Variants in BBS9 observed in about 807,000 individuals in gnomAD.
The protein encoded by BBS9 is Bardet-Biedl syndrome 9.
A neutral mutation model predicts 117.7 loss-of-function variants in BBS9; 89 were observed. The observed-to-expected ratio is 0.76, with a 90% confidence interval of 0.64 to 0.90. BBS9 has a LOEUF of 0.90. Ranked by LOEUF, BBS9 falls within the 40% of genes least tolerant of loss-of-function variation. The pLI is 0.00. For missense variants in BBS9, 982 were observed against 1,042.2 expected (o/e 0.94, Z 0.80); for synonymous variants, 379 against 370.9 (o/e 1.02, Z -0.25).
intron 19 of BBS9, among the ~76,000 whole-genome samples, chr7:33,395,458 C>T (rs951460673): frequency 1.3e-4 from 20 of 152,138 alleles, no homozygotes; most frequent in Admixed American, 8.5e-4. Flanking sequence ...GATGCTATTA[C>T]ATGTGCTGAG....
chr7:33,552,200 T>G (rs1854541088), intron 21 of BBS9, among the ~76,000 whole-genome samples: 1 of 152,238 alleles, frequency 6.6e-6, no homozygotes, highest in Admixed American at 6.5e-5. Context: ...TCTGTTGACA[T>G]CAGCTTACTA....
intron 21 of BBS9, among the ~76,000 whole-genome samples, chr7:33,592,360 C>G (rs1862068028): frequency 6.6e-6 from 1 of 152,064 alleles, no homozygotes; most frequent in Non-Finnish European, 1.5e-5. Flanking sequence ...AATGAAGGCC[C>G]AGACTTTGAC....
At chr7:33,190,276 C>T (rs1443544012) in intron 5 of BBS9, among the ~76,000 whole-genome samples, 1 of 152,084 alleles carries the variant, frequency 6.6e-6, no homozygotes, top group Non-Finnish European at 1.5e-5. Flanking sequence ...CCCGCCACCA[C>T]ACTCGGCTAA....
intron 5 of BBS9, among the ~76,000 whole-genome samples, chr7:33,254,255 G>A (rs977668775): frequency 1.3e-5 from 2 of 152,238 alleles, no homozygotes; most frequent in South Asian, 4.2e-4. Flanking sequence ...GGCTAGGGAA[G>A]CAGGTAATAA....
chr7:33,340,779 C>T (rs1401070838), intron 10 of BBS9, 118 bp from the exon 11 acceptor site: 6 of 770,568 alleles, frequency 7.8e-6, no homozygotes, highest in African/African-American at 3.5e-5. Flanking sequence ...GTTTTTTCAA[C>T]TTGTGAGTAT....
At position 33,459,442 on chromosome 7, in the gene BBS9, CACAGCA is replaced by C. The variant is rs568997067; in HGVS notation, c.2116-46019_2116-46014del. ...TTCCTACAGAGGGCAGAGCAGCCCTCACAGCAAACAAGTATCCAGCCCAAAATGTCC... is the reference window on the plus strand; with the variant it reads ...TTCCTACAGAGGGCAGAGCAGCCCTCAACAAGTATCCAGCCCAAAATGTCC... On this transcript the variant is annotated intron_variant, in intron 19 of 22. Coordinates refer to ENST00000242067, the MANE Select transcript of BBS9 (RefSeq NM_198428.3). Among the ~76,000 whole-genome samples, 1,063 of 152,032 alleles carry C rather than the reference CACAGCA, an allele frequency of 7.0e-3. 15 individuals are homozygous for C. The highest frequency in any genetic ancestry group is 0.025 in the African/African-American group (1,022 of 41,456).
At position 33,137,428 on chromosome 7, in the gene BBS9, G is replaced by A. The variant is rs534944797; in HGVS notation, c.-12+7387G>A. Among the ~76,000 whole-genome samples the A allele has an allele frequency of 2.0e-4, 30 of 152,260 alleles. 1 individual carries two copies. The South Asian group carries it at 5.8e-3, about 29-fold the overall frequency. ...CTGGCCCTCCAACCTGGTAGGGGGC[G>A]GGGCTCCTGCCTGTTCCCAGCCCCC... On this transcript the variant is annotated intron_variant, in intron 1 of 22. Coordinates refer to ENST00000242067, the MANE Select transcript of BBS9 (RefSeq NM_198428.3).
chr7:33,151,280 C>G (rs1200470652), intron 2 of BBS9, among the ~76,000 whole-genome samples: 1 of 151,946 alleles, frequency 6.6e-6, no homozygotes, highest in East Asian at 1.9e-4. Context: ...AGAACCAATT[C>G]CAAATATGCT....
chr7:33,212,367 G>C (rs923003654), intron 5 of BBS9, among the ~76,000 whole-genome samples: 2 of 152,026 alleles, frequency 1.3e-5, no homozygotes, highest in Admixed American at 1.3e-4. Context: ...GCACTCTTTA[G>C]TATTTCAGTT....
intron 17 of BBS9, among the ~76,000 whole-genome samples, chr7:33,371,346 A>T (rs544353024): frequency 6.6e-6 from 1 of 152,166 alleles, no homozygotes; most frequent in African/African-American, 2.4e-5. Context: ...GCCTGATCCA[A>T]GGATAAATTT....
At chr7:33,161,786 C>T (rs189059908) in intron 4 of BBS9, among the ~76,000 whole-genome samples, 1,533 of 152,188 alleles carry the variant, frequency 0.01, 29 homozygotes, top group African/African-American at 0.035. Flanking sequence ...GCATCTGTTG[C>T]TTCCTGACTT....
chr7:33,415,702 A>T (rs1831886596), intron 19 of BBS9, among the ~76,000 whole-genome samples: 1 of 152,174 alleles, frequency 6.6e-6, no homozygotes, highest in Non-Finnish European at 1.5e-5. Context: ...AGCTTTACTT[A>T]AACACTCCCA....
intron 21 of BBS9, among the ~76,000 whole-genome samples, chr7:33,613,191 T>C (rs1027400326): frequency 2.6e-5 from 4 of 152,042 alleles, no homozygotes; most frequent in African/African-American, 7.2e-5. Flanking sequence ...CAAGCTCTTA[T>C]TATTTCATCT....
intron 1 of BBS9, among the ~76,000 whole-genome samples, chr7:33,132,609 G>A (rs1203233017): frequency 6.6e-6 from 1 of 152,028 alleles, no homozygotes; most frequent in Non-Finnish European, 1.5e-5. Context: ...TTTATTTTTT[G>A]TTATTTAAAA....
intron 5 of BBS9, among the ~76,000 whole-genome samples, chr7:33,237,285 C>T (rs1035306162): frequency 6.6e-6 from 1 of 152,164 alleles, no homozygotes; most frequent in Non-Finnish European, 1.5e-5. Context: ...TTCCTCATTT[C>T]AGTTACACGG....
At chr7:33,403,361 A>T (rs941380169) in intron 19 of BBS9, among the ~76,000 whole-genome samples, 23 of 150,938 alleles carry the variant, frequency 1.5e-4, no homozygotes, top group African/African-American at 5.4e-4. Context: ...CATGTGCACA[A>T]TGTGCAGGTT....
At chr7:33,600,765 G>A (rs907984220) in intron 21 of BBS9, among the ~76,000 whole-genome samples, 1 of 152,070 alleles carries the variant, frequency 6.6e-6, no homozygotes, top group Non-Finnish European at 1.5e-5. Context: ...CTAAGGCTGG[G>A]GCTTCTGGTG....
chr7:33,519,470 G>A (rs1424221963), intron 20 of BBS9, among the ~76,000 whole-genome samples: 2 of 152,166 alleles, frequency 1.3e-5, no homozygotes, highest in Non-Finnish European at 2.9e-5. Context: ...GAGCCATGGT[G>A]TCCAAAGGCT....
At chr7:33,214,923 G>A (rs2128229909) in intron 5 of BBS9, among the ~76,000 whole-genome samples, 1 of 152,258 alleles carries the variant, frequency 6.6e-6, no homozygotes, top group South Asian at 2.1e-4. Context: ...GCCTGGCGCA[G>A]TGGCTCACGC....
Sources: gnomAD v4.1 joint callset for allele counts (sites outside exome capture counted in the v4.1 genomes callset) on GRCh38, gnomAD v4.1.1 for gene constraint, MANE v1.5 for transcripts, NCBI Gene and HGNC (gene_info 2026-07-23, HGNC 2026-07-21) for gene names.